ATL3: variants seen among roughly 807,000 people sequenced by gnomAD.
ATL3 encodes atlastin GTPase 3.
In ATL3, 49 loss-of-function variants were observed where a neutral mutation model predicts 69.5. That is an observed-to-expected ratio of 0.71 (90% CI 0.56 to 0.89). ATL3 has a LOEUF of 0.89. ATL3 is among the 40% of genes least tolerant of loss of function. ATL3 has a pLI of 0.00. For missense variants in ATL3, 606 were observed against 645.7 expected, an observed-to-expected ratio of 0.94 and a Z score of 0.67; for synonymous variants, 214 against 224.1, an observed-to-expected ratio of 0.95 and a Z score of 0.40.
upstream of ATL3, chr11:63,671,397 G>A (rs753469623): frequency 1.3e-6 from 2 of 1,531,174 alleles, no homozygotes; most frequent in Admixed American, 2.2e-5. Context: ...GGTGCGGGCG[G>A]GAACGAACCG....
At chr11:63,670,629 A>G (rs1940739741) in intron 1 of ATL3, 1 of 152,250 alleles carries the variant, frequency 6.6e-6, no homozygotes, top group African/African-American at 2.4e-5. Flanking sequence ...GCAAAAGAAC[A>G]ACGTACTGTG....
At chr11:63,666,073 C>A (rs1328717731) in intron 1 of ATL3, among the ~76,000 whole-genome samples, 5 of 152,074 alleles carry the variant, frequency 3.3e-5, no homozygotes, top group Non-Finnish European at 7.4e-5. Context: ...CTCAACCTAC[C>A]GGGCTCAGGC....
chr11:63,659,394 A>C, intron 1 of ATL3, 142 bp from the exon 2 acceptor site: 1 of 667,056 alleles, frequency 1.5e-6, no homozygotes, highest in Non-Finnish European at 2.5e-6. Flanking sequence ...TGGGAAACCA[A>C]AGCAGAAAGA....
At position 63,658,803 on chromosome 11, in the gene ATL3, G is replaced by A. The variant is rs1940335231; in HGVS notation, c.363C>T (p.Ile121=). 6.2e-7 allele frequency: 1 copy of A among 1,612,056 alleles called. No individual in the cohort carries two copies. The highest frequency in any genetic ancestry group is 1.1e-5 in the South Asian group (1 of 90,426). ...TCTCCACAGTGAAAACTTCACTCCA[G>A]ATTTGAATCCCAGTGGTTTCTGGAT... is the stretch of plus-strand genomic sequence containing the variant. The part of the protein sequence containing the change: ...GSDPETTGIQ[I]WSEVFTVEKP... The change falls in exon 3 of 13, where the codon ATC becomes ATT. Residue 121 remains isoleucine (I), a synonymous_variant. Transcript: ENST00000398868.
chr11:63,634,386 A>C (rs1417908666), intron 10 of ATL3, among the ~76,000 whole-genome samples: 1 of 151,794 alleles, frequency 6.6e-6, no homozygotes, highest in Admixed American at 6.6e-5. Flanking sequence ...AGGCGCCTGC[A>C]GTCCCAGCTA....
intron 6 of ATL3, 121 bp from the exon 7 acceptor site, chr11:63,644,382 CTTTTTTTT>C (rs5792299): frequency 1.7e-5 from 6 of 345,174 alleles, no homozygotes; most frequent in African/African-American, 2.7e-5. Context: ...AAGGATTTAC[CTTTTTTTT>C]TTTTTTTTTT....
At chr11:63,642,439 G>A (rs1442190273) in intron 8 of ATL3, among the ~76,000 whole-genome samples, 2 of 152,100 alleles carry the variant, frequency 1.3e-5, no homozygotes, top group African/African-American at 4.8e-5. Context: ...TTAATATGAG[G>A]CTATGAAAAC....
chr11:63,659,001 C>T, intron 2 of ATL3, 37 bp downstream of exon 2: 2 of 1,607,680 alleles, frequency 1.2e-6, no homozygotes, highest in Non-Finnish European at 1.7e-6. Flanking sequence ...ACATTAAAGT[C>T]TCACTTTTTA....
At chr11:63,644,860 G>T (rs1007279667) in intron 6 of ATL3, among the ~76,000 whole-genome samples, 33 of 152,138 alleles carry the variant, frequency 2.2e-4, no homozygotes, top group Admixed American at 7.9e-4. Flanking sequence ...CTGCCTTAAA[G>T]AAATCTATGG....
At position 63,658,800 on chromosome 11, in the gene ATL3, C is replaced by G; in HGVS notation, c.366G>C (p.Trp122Cys). ...GCTTCTCCACAGTGAAAACTTCACT[C>G]CAGATTTGAATCCCAGTGGTTTCTG... ...SDPETTGIQI[W>C]SEVFTVEKPG... is the part of the protein sequence containing the mutation. The change falls in exon 3 of 13, where the codon TGG (tryptophan) becomes TGC (cysteine). Residue 122 changes from tryptophan to cysteine, a missense_variant. Transcript: ENST00000398868. 2.5e-6 allele frequency: 4 copies of G among 1,611,906 alleles called. No homozygotes were observed. The highest frequency in any genetic ancestry group is 1.1e-5 in the South Asian group (1 of 90,328).
chr11:63,659,885 C>G (rs1406237231), intron 1 of ATL3, among the ~76,000 whole-genome samples: 1 of 151,922 alleles, frequency 6.6e-6, no homozygotes, highest in Non-Finnish European at 1.5e-5. Flanking sequence ...TGCAGTGAGC[C>G]GAGATCATGC....
chr11:63,632,424 T>C (rs1413650253), intron 11 of ATL3: 1 of 837,890 alleles, frequency 1.2e-6, no homozygotes, highest in Non-Finnish European at 2.1e-6. Context: ...GAGGTGACAT[T>C]GTGATTGCAA....
chr11:63,624,447 T>C lies in ATL3; in HGVS notation c.*4872A>G, dbSNP rs558119279. ...ACGAAATTTGCCCCAAAGAAAAATG[T>C]CTTTCAAAGCCCTTCTGTCCCTAGA... On this transcript the variant is annotated 3_prime_UTR_variant, in exon 13 of 13. Coordinates refer to ENST00000398868, the MANE Select transcript of ATL3 (RefSeq NM_015459.5). 4 of 152,296 alleles carry C rather than the reference T, an allele frequency of 2.6e-5. No homozygotes were observed. The highest frequency in any genetic ancestry group is 2.1e-4 in the South Asian group (1 of 4,822). 9.4% of individuals were successfully genotyped at this position (152,296 alleles called of 1,614,324 possible).
In ATL3 at chr11:63,629,017, G is replaced by A. The variant is rs1939214535; in HGVS notation, c.*302C>T. 2 of 324,850 alleles carry A rather than the reference G, an allele frequency of 6.2e-6. No individual in the cohort carries two copies. Among genetic ancestry groups the A allele is most frequent in the South Asian group, 6.8e-5 (1 of 14,764 alleles). 20.1% of individuals were successfully genotyped at this position (324,850 alleles called of 1,614,324 possible). A position where few individuals can be genotyped will look rare whatever the true frequency, so the allele number is the denominator to read the frequency against. ...GTGGCACATAAAGAACTTAAAAGCT[G>A]CATTTCCATTTTTCCTCTAGCTTCC... On this transcript the variant is annotated 3_prime_UTR_variant, in exon 13 of 13. Transcript: ENST00000398868.
intron 6 of ATL3, among the ~76,000 whole-genome samples, chr11:63,645,371 G>T (rs1004609181): frequency 6.6e-6 from 1 of 151,606 alleles, no homozygotes; most frequent in Non-Finnish European, 1.5e-5. Flanking sequence ...CTCCAGCCTG[G>T]GCAAAATTTT....
chr11:63,666,468 C>T (rs574303297), intron 1 of ATL3, among the ~76,000 whole-genome samples: 21 of 152,266 alleles, frequency 1.4e-4, no homozygotes, highest in African/African-American at 4.3e-4. Context: ...AAATTTAGGA[C>T]TCAAAACACA....
chr11:63,662,276 G>C (rs1438833597), intron 1 of ATL3, among the ~76,000 whole-genome samples: 4 of 151,816 alleles, frequency 2.6e-5, no homozygotes, highest in Non-Finnish European at 5.9e-5. Flanking sequence ...GTGGACTTAT[G>C]GGAAGTTCAC....
rs1939299057 is a variant in ATL3, at chr11:63,631,098, C to T, written c.1481G>A (p.Gly494Asp). Residue 494 changes from glycine (G) to aspartate (D), a missense_variant, in exon 12 of 13, where the codon GGT becomes GAT. Gly to Asp is a moderately conservative substitution (Grantham distance 94, BLOSUM62 -1). Transcript: ENST00000398868. ...AGCTCCGCCCAGCTCACGATATTGA[C>T]CAGAATACCTGATGTAGCCCCAGGT... ...LLTWGYIRYSGQYRELGGAID... is the reference protein window; with the variant it reads ...LLTWGYIRYSDQYRELGGAID... The T allele has an allele frequency of 6.2e-7, 1 of 1,614,000 alleles. No homozygotes were observed. The highest frequency in any genetic ancestry group is 1.1e-5 in the South Asian group (1 of 91,066).
chr11:63,638,649 G>A (rs1939596939), intron 8 of ATL3, among the ~76,000 whole-genome samples: 1 of 151,814 alleles, frequency 6.6e-6, no homozygotes, highest in Non-Finnish European at 1.5e-5. Flanking sequence ...AGGTGGCAGT[G>A]AGCTGAGATC....
Sources: gnomAD v4.1 joint callset for allele counts (sites outside exome capture counted in the v4.1 genomes callset) on GRCh38, gnomAD v4.1.1 for gene constraint, MANE v1.5 for transcripts, NCBI Gene and HGNC (gene_info 2026-07-23, HGNC 2026-07-21) for gene names.